Variants in MYCBP2 observed in about 807,000 individuals in gnomAD.
MYCBP2 encodes the protein MYC binding protein 2.
A neutral mutation model predicts 525.3 loss-of-function variants in MYCBP2; 120 were observed. The observed-to-expected ratio is 0.23, with a 90% CI of 0.20 to 0.27. The LOEUF is 0.27. Ranked by LOEUF, MYCBP2 falls within the 10% of genes least tolerant of loss-of-function variation. MYCBP2 has a pLI of 1.00. For synonymous variants in MYCBP2, 1,894 were observed against 1,955.8 expected (o/e 0.97, Z 0.83); for missense variants, 4,149 against 5,657.1 (o/e 0.73, Z 8.55).
At chr13:77,138,878 G>A (rs777935055) in intron 52 of MYCBP2, among the ~76,000 whole-genome samples, 5 of 152,082 alleles carry the variant, frequency 3.3e-5, no homozygotes, top group Non-Finnish European at 7.4e-5. Context: ...CCACACAGCT[G>A]TATAAATAAG....
intron 55 of MYCBP2, among the ~76,000 whole-genome samples, chr13:77,102,636 T>C (rs1408273529): frequency 6.6e-6 from 1 of 151,484 alleles, no homozygotes; most frequent in African/African-American, 2.4e-5. Flanking sequence ...TTTAAAATAT[T>C]AAAACTTAGT....
At chr13:77,214,026 T>C (rs972818086) in intron 21 of MYCBP2, among the ~76,000 whole-genome samples, 3 of 152,174 alleles carry the variant, frequency 2.0e-5, no homozygotes, top group South Asian at 2.1e-4. Context: ...GGGAAACACA[T>C]GCCCCCAAAA....
Position 77,123,947 on chromosome 13 carries a change from AAATGTCTGATTTAC to A in MYCBP2, c.8017+1375_8017+1388del, listed in dbSNP as rs2051199956. 8.5e-5 allele frequency among the ~76,000 whole-genome samples: 13 copies of A among 152,312 alleles called. No individual in the cohort carries two copies. The South Asian group carries it at 2.7e-3, about 32-fold the overall frequency. ...ATAGTAAGTGAAAAAGTCATTTAGTAAATGTCTGATTTACATCAAGCGGAACCCTTATCTTTTTC... is the reference window on the plus strand; with the variant it reads ...ATAGTAAGTGAAAAAGTCATTTAGTAATCAAGCGGAACCCTTATCTTTTTC... On this transcript the variant is annotated intron_variant, in intron 54 of 82. Transcript: ENST00000544440.
intron 1 of MYCBP2, among the ~76,000 whole-genome samples, chr13:77,319,225 C>T (rs12184865): frequency 2.0e-5 from 3 of 151,900 alleles, no homozygotes; most frequent in Non-Finnish European, 2.9e-5. Flanking sequence ...AGTCAGTAGG[C>T]GAGAGAGGAG....
chr13:77,059,449 C>T, intron 77 of MYCBP2, 74 bp downstream of exon 77: 3 of 1,135,216 alleles, frequency 2.6e-6, no homozygotes, highest in Non-Finnish European at 4.0e-6. Flanking sequence ...TGAGCTAAAA[C>T]TCTTTTCTGT....
In MYCBP2 at chr13:77,243,010, G is replaced by C. The variant is rs184921566; in HGVS notation, c.2629+49C>G. 7.3e-5 allele frequency: 109 copies of C among 1,490,900 alleles called. 2 individuals are homozygous for C. The highest frequency in any genetic ancestry group is 6.8e-4 in the Middle Eastern group (4 of 5,842). The allele number at this position is 1,490,900 out of a possible 1,614,324, so 92.4% of individuals were successfully genotyped here. On this transcript the variant is annotated intron_variant, in intron 17 of 82. Coordinates refer to ENST00000544440, the MANE Select transcript of MYCBP2 (RefSeq NM_015057.5). ...GAACTTTTCAGTGGTTTCAGGATAGGGTAGGAAAGTGGATTTTCATGTACT... is the reference window on the plus strand; with the variant it reads ...GAACTTTTCAGTGGTTTCAGGATAGCGTAGGAAAGTGGATTTTCATGTACT...
chr13:77,249,596 T>C (rs1476388023), intron 15 of MYCBP2, among the ~76,000 whole-genome samples: 1 of 152,150 alleles, frequency 6.6e-6, no homozygotes, highest in African/African-American at 2.4e-5. Context: ...GGTGTTGCTA[T>C]GCTGCTGAAG....
chr13:77,169,804 CT>C (rs1257601972), intron 38 of MYCBP2, 90 bp from the exon 39 acceptor site: 3 of 1,123,666 alleles, frequency 2.7e-6, no homozygotes, highest in Non-Finnish European at 3.9e-6. Flanking sequence ...ATATTCTGCT[CT>C]TTTGAGCGAA....
At chr13:77,115,133 T>C (rs928093842) in intron 55 of MYCBP2, among the ~76,000 whole-genome samples, 2 of 151,932 alleles carry the variant, frequency 1.3e-5, no homozygotes, top group African/African-American at 4.8e-5. Flanking sequence ...ATTGATGAAA[T>C]GGTAATCTTA....
chr13:77,177,384 C>T (rs1384982677), intron 35 of MYCBP2, among the ~76,000 whole-genome samples: 1 of 148,942 alleles, frequency 6.7e-6, no homozygotes, highest in Non-Finnish European at 1.5e-5. Context: ...CTCTGCTGCC[C>T]AGGCTTGAGT....
chr13:77,294,104 C>CTATATATATATATATATA lies in MYCBP2; in HGVS notation c.378+2477_378+2494dup, dbSNP rs1197370334. 4.7e-3 allele frequency among the ~76,000 whole-genome samples: 195 copies of CTATATATATATATATATA among 41,848 alleles called. 6 individuals carry two copies. The highest frequency in any genetic ancestry group is 9.9e-3 in the East Asian group (17 of 1,714). 27.5% of individuals were successfully genotyped at this position (41,848 alleles called of 152,430 possible). On this transcript the variant is annotated intron_variant, in intron 2 of 82. Transcript: ENST00000544440. ...GATAGCCATAAAGTAGATATAATGG[C>CTATATATATATATATATA]TATATATATATATATATATATATAT... is the stretch of plus-strand genomic sequence containing the variant.
intron 26 of MYCBP2, among the ~76,000 whole-genome samples, chr13:77,195,796 G>A (rs1350973297): frequency 6.6e-6 from 1 of 152,024 alleles, no homozygotes; most frequent in Admixed American, 6.6e-5. Flanking sequence ...TTTGTTTCAT[G>A]ACCCTTAGTA....
intron 32 of MYCBP2, among the ~76,000 whole-genome samples, chr13:77,183,030 G>A (rs1463166725): frequency 1.3e-5 from 2 of 152,070 alleles, no homozygotes; most frequent in Non-Finnish European, 2.9e-5. Flanking sequence ...TCATCAATTT[G>A]CCTTCTTTTT....
At chr13:77,184,802 G>C (rs528867173) in intron 32 of MYCBP2, among the ~76,000 whole-genome samples, 1 of 152,138 alleles carries the variant, frequency 6.6e-6, no homozygotes, top group South Asian at 2.1e-4. Context: ...GCCTCCTGGT[G>C]CTATCCCTGC....
chr13:77,128,673 T>C (rs563169664), intron 52 of MYCBP2, among the ~76,000 whole-genome samples: 1 of 152,090 alleles, frequency 6.6e-6, no homozygotes, highest in South Asian at 2.1e-4. Flanking sequence ...GTGCCTATCA[T>C]GCTCAAGCAA....
intron 20 of MYCBP2, among the ~76,000 whole-genome samples, chr13:77,221,638 C>T (rs142246436): frequency 2.6e-4 from 40 of 152,180 alleles, no homozygotes; most frequent in Admixed American, 5.9e-4. Flanking sequence ...TATCTAACTG[C>T]AATGCACCTT....
chr13:77,298,478 C>T (rs1765057368), intron 1 of MYCBP2, among the ~76,000 whole-genome samples: 1 of 152,198 alleles, frequency 6.6e-6, no homozygotes, highest in Admixed American at 6.5e-5. Flanking sequence ...TTGTTCACTA[C>T]TCTAGCCTCT....
chr13:77,243,736 T>C (rs1245961795), intron 16 of MYCBP2, 70 bp downstream of exon 16: 5 of 1,345,666 alleles, frequency 3.7e-6, no homozygotes, highest in Non-Finnish European at 5.0e-6. Context: ...CTAAAAGAAA[T>C]TGTTTAAACT....
At chr13:77,111,770 A>T (rs1287789304) in intron 55 of MYCBP2, among the ~76,000 whole-genome samples, 1 of 151,990 alleles carries the variant, frequency 6.6e-6, no homozygotes, top group South Asian at 2.1e-4. Flanking sequence ...CCTTTTTCAT[A>T]ATATTTTCAG....
Sources: gnomAD v4.1 joint callset for allele counts (sites outside exome capture counted in the v4.1 genomes callset) on GRCh38, gnomAD v4.1.1 for gene constraint, MANE v1.5 for transcripts, NCBI Gene and HGNC (gene_info 2026-07-23, HGNC 2026-07-21) for gene names.